The following PDE4D variants were observed in gnomAD, a reference collection of about 807,000 sequenced individuals.
The protein encoded by PDE4D is phosphodiesterase 4D.
In PDE4D, 24 loss-of-function variants were observed where a neutral mutation model predicts 87.4. That is an observed-to-expected ratio of 0.27 (90% CI 0.20 to 0.39). PDE4D has a LOEUF of 0.39. PDE4D is among the 10% of genes least tolerant of loss of function. The pLI, the probability that PDE4D is intolerant of heterozygous loss-of-function variation, is 1.00. For missense variants in PDE4D, 714 were observed against 1,041.0 expected (o/e 0.69, Z 4.32); for synonymous variants, 384 against 383.2 (o/e 1.00, Z -0.02).
intron 2 of PDE4D, among the ~76,000 whole-genome samples, chr5:60,148,525 T>A (rs550688306): frequency 6.6e-5 from 10 of 152,182 alleles, no homozygotes; most frequent in Non-Finnish European, 1.5e-4. Flanking sequence ...GCAGTCTTGG[T>A]ATTTGGCTCT....
At chr5:60,107,640 C>T (rs973867325) in intron 2 of PDE4D, among the ~76,000 whole-genome samples, 3 of 152,168 alleles carry the variant, frequency 2.0e-5, no homozygotes, top group Non-Finnish European at 4.4e-5. Context: ...TCCAGCAGCA[C>T]ATCAAAAAGT....
chr5:59,056,232 C>T (rs931329468), intron 5 of PDE4D, among the ~76,000 whole-genome samples: 7 of 152,094 alleles, frequency 4.6e-5, no homozygotes, highest in African/African-American at 1.4e-4. Flanking sequence ...GCAGGCACAC[C>T]ATGCACAAAA....
chr5:59,378,138 G>A lies in PDE4D; in HGVS notation c.456-162170C>T, dbSNP rs577041616. Among the ~76,000 whole-genome samples the A allele has an allele frequency of 2.7e-4, 41 of 152,288 alleles. No individual in the cohort carries two copies. In the South Asian group the frequency reaches 7.1e-3, roughly 26 times the overall value. On this transcript the variant is annotated intron_variant, in intron 1 of 14. Transcript: ENST00000340635. The stretch of plus-strand genomic sequence containing the variant: ...AGATCATGTCCTTTGCAGGAACATG[G>A]ATACAGCTGGAGGCCATTATCTTTA...
chr5:59,521,413 G>C (rs1812221126), intron 1 of PDE4D, among the ~76,000 whole-genome samples: 1 of 152,150 alleles, frequency 6.6e-6, no homozygotes, highest in African/African-American at 2.4e-5. Context: ...ATGGAAGGGA[G>C]ACAAAGTCAA....
At chr5:60,323,446 C>T (rs1393173065) in intron 1 of PDE4D, among the ~76,000 whole-genome samples, 1 of 152,076 alleles carries the variant, frequency 6.6e-6, no homozygotes, top group Non-Finnish European at 1.5e-5. Flanking sequence ...CTTCCCTTAC[C>T]TCCCAACTAC....
chr5:59,082,970 C>A (rs1055929048), intron 5 of PDE4D, among the ~76,000 whole-genome samples: 1 of 151,986 alleles, frequency 6.6e-6, no homozygotes, highest in Admixed American at 6.6e-5. Context: ...CTCTTTGTAT[C>A]CTAGGTTTTC....
chr5:59,966,576 C>T lies in PDE4D; in HGVS notation c.272+21912G>A, dbSNP rs1760082660. Among the ~76,000 whole-genome samples the T allele has an allele frequency of 3.3e-5, 5 of 152,272 alleles. No homozygotes were observed. In the South Asian group the frequency reaches 1.0e-3, roughly 32 times the overall value. ...GTGATCTGAGGCTAATCGAAGTAGT[C>T]ATTTTCCAGATGAAAAATGTCTTTT... On this transcript the variant is annotated intron_variant, in intron 3 of 16. Transcript: ENST00000502484.
intron 2 of PDE4D, chr5:60,127,504 G>A (rs1415349929): frequency 2.6e-5 from 11 of 417,952 alleles, no homozygotes; most frequent in African/African-American, 1.6e-4. Flanking sequence ...GGCCGGCCCC[G>A]GGAAAGATGA....
chr5:59,792,389 A>T (rs1271053785), intron 1 of PDE4D, among the ~76,000 whole-genome samples: 1 of 129,562 alleles, frequency 7.7e-6, no homozygotes, highest in Non-Finnish European at 1.6e-5. Flanking sequence ...ACCAACTTTG[A>T]GGCTCCAAGA....
intron 1 of PDE4D, among the ~76,000 whole-genome samples, chr5:60,244,602 A>C (rs959290765): frequency 6.6e-6 from 1 of 152,044 alleles, no homozygotes; most frequent in Non-Finnish European, 1.5e-5. Flanking sequence ...AAAGGCAGAC[A>C]CATAGACCAG....
chr5:59,846,183 AT>A (rs1213329240), intron 1 of PDE4D, among the ~76,000 whole-genome samples: 3 of 152,062 alleles, frequency 2.0e-5, no homozygotes, highest in African/African-American at 7.2e-5. Flanking sequence ...CTGCCTGTTT[AT>A]TTACCTTACC....
At chr5:59,622,784 C>T (rs1308458619) in intron 1 of PDE4D, among the ~76,000 whole-genome samples, 1 of 152,142 alleles carries the variant, frequency 6.6e-6, no homozygotes, top group Non-Finnish European at 1.5e-5. Context: ...GAGTCGGGTG[C>T]TGTAAACTCA....
intron 1 of PDE4D, among the ~76,000 whole-genome samples, chr5:59,383,662 G>A (rs987754634): frequency 6.6e-6 from 1 of 151,916 alleles, no homozygotes; most frequent in African/African-American, 2.4e-5. Flanking sequence ...CTGGTAAATA[G>A]AAGCTATTCA....
At chr5:59,811,999 T>C (rs1249540359) in intron 1 of PDE4D, among the ~76,000 whole-genome samples, 2 of 152,206 alleles carry the variant, frequency 1.3e-5, no homozygotes, top group African/African-American at 4.8e-5. Context: ...GCGAGGAAAG[T>C]GACTGAGTCC....
chr5:60,474,688 G>A (rs957919191), intron 1 of PDE4D, among the ~76,000 whole-genome samples: 1 of 152,144 alleles, frequency 6.6e-6, no homozygotes, highest in African/African-American at 2.4e-5. Flanking sequence ...CTAAACATGC[G>A]AAGTCATTCA....
At chr5:59,774,496 G>C (rs1428332529) in intron 1 of PDE4D, among the ~76,000 whole-genome samples, 1 of 151,958 alleles carries the variant, frequency 6.6e-6, no homozygotes. Context: ...TATATTTTGA[G>C]CATATGATGT....
intron 2 of PDE4D, among the ~76,000 whole-genome samples, chr5:60,161,004 A>C (rs1003720187): frequency 6.6e-6 from 1 of 152,208 alleles, no homozygotes; most frequent in African/African-American, 2.4e-5. Flanking sequence ...CTGGGCACAA[A>C]AGATTTTCTT....
intron 2 of PDE4D, among the ~76,000 whole-genome samples, chr5:60,014,478 T>C (rs1317619463): frequency 6.6e-6 from 1 of 152,198 alleles, no homozygotes; most frequent in Non-Finnish European, 1.5e-5. Flanking sequence ...GTACTGCTAG[T>C]ACAATGTGGC....
At chr5:59,825,095 C>G (rs1212358310) in intron 1 of PDE4D, among the ~76,000 whole-genome samples, 1 of 152,062 alleles carries the variant, frequency 6.6e-6, no homozygotes, top group African/African-American at 2.4e-5. Flanking sequence ...CTCTGCGTGT[C>G]AATTGGGTGC....
Sources: gnomAD v4.1 joint callset for allele counts (sites outside exome capture counted in the v4.1 genomes callset) on GRCh38, gnomAD v4.1.1 for gene constraint, MANE v1.5 for transcripts, NCBI Gene and HGNC (gene_info 2026-07-23, HGNC 2026-07-21) for gene names.